Variants in RAPGEF6 observed in about 807,000 individuals in gnomAD.
RAPGEF6 encodes the protein PDZ domain containing guanine nucleotide exchange factor (GEF) 2.
Under a neutral mutation model 171.4 loss-of-function variants are expected in RAPGEF6, and 56 were observed. That is an observed-to-expected ratio of 0.33 (90% CI 0.26 to 0.41). The LOEUF (loss-of-function observed/expected upper bound fraction) is 0.41, where lower values mean the gene tolerates loss of function less well. RAPGEF6 is among the 10% of genes least tolerant of loss of function. The pLI is 1.00. For missense variants in RAPGEF6, 1,674 were observed against 1,921.4 expected (o/e 0.87, Z 2.41); for synonymous variants, 692 against 650.1 (o/e 1.06, Z -0.98).
intron 7 of RAPGEF6, among the ~76,000 whole-genome samples, chr5:131,520,320 TTTAAA>T (rs1232342840): frequency 3.3e-5 from 5 of 152,342 alleles, no homozygotes; most frequent in African/African-American, 1.2e-4. Context: ...GTGCTGTAAC[TTTAAA>T]TTAAACTCTG....
intron 17 of RAPGEF6, chr5:131,469,759 C>T: frequency 1.4e-6 from 2 of 1,382,702 alleles, no homozygotes; most frequent in Non-Finnish European, 1.9e-6. Flanking sequence ...ATAATACATA[C>T]AAACAAGGGC....
At chr5:131,505,678 G>A (rs1177122081) in intron 9 of RAPGEF6, among the ~76,000 whole-genome samples, 156 bp from the exon 10 acceptor site, 3 of 152,156 alleles carry the variant, frequency 2.0e-5, no homozygotes, top group African/African-American at 4.8e-5. Context: ...TATGCTTTGA[G>A]TCTATGCAAA....
chr5:131,562,861 G>A (rs2149968836), intron 4 of RAPGEF6, among the ~76,000 whole-genome samples: 1 of 152,094 alleles, frequency 6.6e-6, no homozygotes, highest in South Asian at 2.1e-4. Flanking sequence ...ATAAAGAAAT[G>A]TAGTTAGATA....
chr5:131,479,129 T>G (rs904176590), intron 16 of RAPGEF6, among the ~76,000 whole-genome samples: 5 of 151,654 alleles, frequency 3.3e-5, no homozygotes, highest in African/African-American at 1.2e-4. Flanking sequence ...AACTTTAGAA[T>G]TCAAGAAGGA....
Position 131,446,646 on chromosome 5 carries a change from G to T in RAPGEF6, c.3258C>A (p.His1086Gln), listed in dbSNP as rs79086337. 6.2e-7 allele frequency: 1 copy of T among 1,614,096 alleles called. No individual in the cohort carries two copies. The highest frequency in any genetic ancestry group is 8.5e-7 in the Non-Finnish European group (1 of 1,179,990). The change falls in exon 22 of 28, where the codon CAC (histidine) becomes CAA (glutamine). Residue 1086 changes from histidine to glutamine, a missense_variant. Physicochemically the swap from His to Gln is conservative, Grantham distance 24 (BLOSUM62 0). Transcript: ENST00000509018. ...GAGAGCTGCGGCGTGCCCTTTTTTT[G>T]TGAGCACCTCCCTGAACATCCAGCA... ...SNMLDVQGGA[H>Q]KKRARRSSLL...
intron 1 of RAPGEF6, among the ~76,000 whole-genome samples, chr5:131,626,715 A>G (rs1351800076): frequency 6.6e-6 from 1 of 151,864 alleles, no homozygotes; most frequent in Non-Finnish European, 1.5e-5. Context: ...CCTCTCTACA[A>G]CCTTGGTTTT....
chr5:131,428,834 C>T (rs1298676500), intron 27 of RAPGEF6, 68 bp downstream of exon 27: 6 of 1,428,038 alleles, frequency 4.2e-6, no homozygotes, highest in Non-Finnish European at 5.7e-6. Context: ...CATAAAATAC[C>T]AAAGTAAAGA....
chr5:131,475,262 C>T (rs1755021348), intron 16 of RAPGEF6, among the ~76,000 whole-genome samples: 1 of 152,198 alleles, frequency 6.6e-6, no homozygotes, highest in African/African-American at 2.4e-5. Flanking sequence ...TTGATAAAGC[C>T]CATTTGGCAA....
At chr5:131,571,263 G>GTAAA (rs1302082019) in intron 4 of RAPGEF6, among the ~76,000 whole-genome samples, 19 of 152,028 alleles carry the variant, frequency 1.2e-4, no homozygotes, top group Admixed American at 6.6e-5. Context: ...TTTATTAATA[G>GTAAA]ATTGACAACA....
intron 15 of RAPGEF6, among the ~76,000 whole-genome samples, chr5:131,489,090 T>G (rs950711021): frequency 6.6e-6 from 1 of 152,228 alleles, no homozygotes. Flanking sequence ...CACTAAGTAC[T>G]TAAGTCAATG....
intron 7 of RAPGEF6, among the ~76,000 whole-genome samples, chr5:131,511,745 C>T (rs1194138360): frequency 6.6e-6 from 1 of 152,126 alleles, no homozygotes; most frequent in Non-Finnish European, 1.5e-5. Context: ...ATGTGATCCA[C>T]CCACCTTGGC....
Position 131,479,682 on chromosome 5 carries a change from T to C in RAPGEF6, c.1912A>G (p.Lys638Glu). The stretch of plus-strand genomic sequence containing the variant: ...TGGATAGAATGGCGATTACTTTTTT[T>C]TTCAGCAATTTTGGGAATATGAGGA... ...GVPHIPKIAE[K>E]KSNRHSIQHV... is the part of the protein sequence containing the mutation. The change falls in exon 16 of 28, where the codon AAA becomes GAA. Residue 638 changes from lysine to glutamate, a missense_variant. Lys to Glu is a moderately conservative substitution (Grantham distance 56, BLOSUM62 1). Transcript: ENST00000509018. 1 of 1,614,080 alleles carries C rather than the reference T, an allele frequency of 6.2e-7. No homozygotes were observed. Among genetic ancestry groups the C allele is most frequent in the Non-Finnish European group, 8.5e-7 (1 of 1,179,984 alleles).
intron 26 of RAPGEF6, 146 bp downstream of exon 26, chr5:131,430,713 G>T: frequency 8.7e-7 from 1 of 1,146,892 alleles, no homozygotes; most frequent in Non-Finnish European, 1.3e-6. Flanking sequence ...ATGAATTTTT[G>T]GGAAATAACT....
At chr5:131,486,043 A>C (rs1755864947) in intron 15 of RAPGEF6, among the ~76,000 whole-genome samples, 1 of 152,240 alleles carries the variant, frequency 6.6e-6, no homozygotes, top group African/African-American at 2.4e-5. Flanking sequence ...ATCTAAGTCC[A>C]GGGCCAAAAC....
chr5:131,610,759 T>C (rs566620055), intron 1 of RAPGEF6, among the ~76,000 whole-genome samples: 2 of 152,180 alleles, frequency 1.3e-5, no homozygotes, highest in South Asian at 2.1e-4. Context: ...CTTGTCTAAG[T>C]TTCTTCTCAG....
rs1751288616 is a variant in RAPGEF6, at chr5:131,424,104, CAA to C, written c.*3160_*3161del. 1 of 152,310 alleles carries C rather than the reference CAA, an allele frequency of 6.6e-6. No homozygotes were observed. The highest frequency in any genetic ancestry group is 1.5e-5 in the Non-Finnish European group (1 of 68,020). The allele number at this position is 152,310 out of a possible 1,614,324, so 9.4% of individuals were successfully genotyped here. ...TTAAGAGGTATCAAAAAATAGGAGACAAACATTGCTTGTTACAGGATACCTTA... is the reference window on the plus strand; with the variant it reads ...TTAAGAGGTATCAAAAAATAGGAGACACATTGCTTGTTACAGGATACCTTA... On this transcript the variant is annotated 3_prime_UTR_variant, in exon 28 of 28. Coordinates refer to ENST00000509018, the MANE Select transcript of RAPGEF6 (RefSeq NM_016340.6).
At chr5:131,455,516 C>T (rs1055010284) in intron 20 of RAPGEF6, among the ~76,000 whole-genome samples, 3 of 152,166 alleles carry the variant, frequency 2.0e-5, no homozygotes, top group African/African-American at 7.2e-5. Flanking sequence ...CCTAGGCCTT[C>T]CAAAGTTCTG....
chr5:131,533,200 A>C (rs1759521850), intron 6 of RAPGEF6, among the ~76,000 whole-genome samples: 1 of 145,002 alleles, frequency 6.9e-6, no homozygotes, highest in African/African-American at 2.5e-5. Context: ...ACACACACAC[A>C]CACACACACA....
intron 5 of RAPGEF6, among the ~76,000 whole-genome samples, chr5:131,561,109 T>G (rs1278636997): frequency 6.7e-6 from 1 of 150,236 alleles, no homozygotes; most frequent in African/African-American, 2.5e-5. Context: ...TTGATTCTTC[T>G]AATACTTAAA....
Sources: allele counts gnomAD v4.1 joint callset (sites outside exome capture counted in the v4.1 genomes callset), GRCh38; gene constraint gnomAD v4.1.1; transcripts MANE v1.5; gene names NCBI Gene and HGNC (gene_info 2026-07-23, HGNC 2026-07-21).